Variants in PDZRN3 observed in about 807,000 individuals in gnomAD.
PDZRN3 encodes the protein PDZ domain containing ring finger 3, also known as E3 ubiquitin-protein ligase PDZRN3.
In PDZRN3, 38 loss-of-function variants were observed where a neutral mutation model predicts 85.7. That is an observed-to-expected ratio of 0.44 (90% CI 0.34 to 0.58). The LOEUF is 0.58. Ranked by LOEUF, PDZRN3 falls within the 20% of genes least tolerant of loss-of-function variation. The probability of loss-of-function intolerance (pLI) is 0.01; values close to 1 mark genes in which losing one functional copy is unlikely to be tolerated. For synonymous variants in PDZRN3, 759 were observed against 638.0 expected, an observed-to-expected ratio of 1.19 and a Z score of -2.86; for missense variants, 1,629 against 1,506.4, an observed-to-expected ratio of 1.08 and a Z score of -1.35.
At position 73,408,637 on chromosome 3, in the gene PDZRN3, A is replaced by G. The variant is rs1454303909; in HGVS notation, c.919-4242T>C. ...TTTTACAGGACTTGACCCCTGCCAC[A>G]TGAGCTTCTTGACAAGGTATTTTAG... On this transcript the variant is annotated intron_variant, in intron 3 of 9. Coordinates refer to ENST00000263666, the MANE Select transcript of PDZRN3 (RefSeq NM_015009.3). 2.6e-5 allele frequency among the ~76,000 whole-genome samples: 4 copies of G among 152,114 alleles called. No homozygotes were observed. The East Asian group carries it at 7.7e-4, about 29-fold the overall frequency.
At chr3:73,433,968 C>T in intron 3 of PDZRN3, 1 of 1,310,242 alleles carries the variant, frequency 7.6e-7, no homozygotes, top group Non-Finnish European at 9.7e-7. Context: ...ACGCACACCA[C>T]TCCCTCCTCT....
intron 3 of PDZRN3, among the ~76,000 whole-genome samples, chr3:73,466,659 C>A (rs1474770631): frequency 6.6e-6 from 1 of 152,126 alleles, no homozygotes; most frequent in Non-Finnish European, 1.5e-5. Flanking sequence ...TCACCCTCTC[C>A]CTTAACACGC....
At chr3:73,442,300 G>T (rs1575657068) in intron 3 of PDZRN3, among the ~76,000 whole-genome samples, 1 of 152,316 alleles carries the variant, frequency 6.6e-6, no homozygotes, top group Non-Finnish European at 1.5e-5. Flanking sequence ...ATCAGGCCAG[G>T]ATTTGCAGGA....
intron 3 of PDZRN3, among the ~76,000 whole-genome samples, chr3:73,508,480 G>A (rs1411897588): frequency 1.3e-5 from 2 of 152,198 alleles, no homozygotes; most frequent in African/African-American, 4.8e-5. Context: ...TTGGAGCAAT[G>A]CAACAGATGA....
intron 3 of PDZRN3, among the ~76,000 whole-genome samples, chr3:73,572,658 C>T (rs1702061432): frequency 6.6e-6 from 1 of 152,088 alleles, no homozygotes; most frequent in Non-Finnish European, 1.5e-5. Context: ...AGTGGGACAG[C>T]AGTACAAAAA....
chr3:73,383,611 G>A lies in PDZRN3; in HGVS notation c.2955C>T (p.Ala985=). 1.2e-6 allele frequency: 2 copies of A among 1,613,884 alleles called. No individual in the cohort carries two copies. The highest frequency in any genetic ancestry group is 1.7e-6 in the Non-Finnish European group (2 of 1,180,028). ...ACTCGCGCCGCCGCCGCTGCTCCTTGGCCTTCACCAGGTGCTGCTTCCTCT... is the reference window on the plus strand; with the variant it reads ...ACTCGCGCCGCCGCCGCTGCTCCTTAGCCTTCACCAGGTGCTGCTTCCTCT... ...KEERKQHLVK[A]KEQRRRREFM... The change falls in exon 10 of 10, where the codon GCC becomes GCT. Residue 985 remains alanine, a synonymous_variant. Coordinates refer to ENST00000263666, the MANE Select transcript of PDZRN3 (RefSeq NM_015009.3).
chr3:73,491,559 G>A (rs1703771006), intron 3 of PDZRN3, among the ~76,000 whole-genome samples: 1 of 145,524 alleles, frequency 6.9e-6, no homozygotes, highest in East Asian at 2.1e-4. Context: ...CAGTCAACAG[G>A]AAGAGCAAAA....
chr3:73,392,269 G>A (rs1452765821), intron 5 of PDZRN3, among the ~76,000 whole-genome samples: 1 of 152,244 alleles, frequency 6.6e-6, no homozygotes, highest in African/African-American at 2.4e-5. Context: ...GGCAGAGCTA[G>A]ACCGGGCAGG....
chr3:73,569,507 A>T (rs1054024309), intron 3 of PDZRN3: 85 of 1,062,784 alleles, frequency 8.0e-5, no homozygotes, highest in Non-Finnish European at 9.3e-5. Context: ...TCTTCTCTGC[A>T]ATGAGATCAG....
In PDZRN3 at chr3:73,383,601, G is replaced by A. The variant is rs2106661321; in HGVS notation, c.2965C>T (p.Arg989Trp). ...TGCATCATGAACTCGCGCCGCCGCC[G>A]CTGCTCCTTGGCCTTCACCAGGTGC... is the stretch of plus-strand genomic sequence containing the variant. ...KQHLVKAKEQ[R>W]RRREFMMQSR... The change falls in exon 10 of 10, where the codon CGG becomes TGG. Residue 989 changes from arginine to tryptophan, a missense_variant. Physicochemically the swap from Arg to Trp is moderately radical, Grantham distance 101. Coordinates refer to ENST00000263666, the MANE Select transcript of PDZRN3 (RefSeq NM_015009.3). The A allele has an allele frequency of 1.9e-6, 3 of 1,614,012 alleles. No homozygotes were observed. The highest frequency in any genetic ancestry group is 1.7e-6 in the Non-Finnish European group (2 of 1,180,028).
chr3:73,608,756 T>A, intron 1 of PDZRN3, 72 bp from the exon 2 acceptor site: 1 of 905,972 alleles, frequency 1.1e-6, no homozygotes, highest in Non-Finnish European at 1.8e-6. Context: ...TCCTTCTATC[T>A]AAGTGTACTC....
At chr3:73,589,836 TACTA>T (rs1295324697) in intron 3 of PDZRN3, among the ~76,000 whole-genome samples, 1 of 152,220 alleles carries the variant, frequency 6.6e-6, no homozygotes, top group Non-Finnish European at 1.5e-5. Context: ...TCTCATGAGT[TACTA>T]ACGTGAAGCC....
intron 1 of PDZRN3, chr3:73,621,784 C>T (rs377249074): frequency 6.6e-5 from 10 of 152,292 alleles, no homozygotes; most frequent in Middle Eastern, 3.4e-3. Flanking sequence ...CGGAACAAAC[C>T]TTTCTCCGTA....
In PDZRN3 at chr3:73,550,483, A is replaced by C. The variant is rs534361293; in HGVS notation, c.918+51871T>G. On this transcript the variant is annotated intron_variant, in intron 3 of 9. Coordinates refer to ENST00000263666, the MANE Select transcript of PDZRN3 (RefSeq NM_015009.3). ...AGAAATCTCTAAGGCAGGGCCCAGG[A>C]ATCAGTCTTTATTTAAAAGCCCCCC... Among the ~76,000 whole-genome samples, 17 of 152,316 alleles carry C rather than the reference A, an allele frequency of 1.1e-4. No homozygotes were observed. The East Asian group carries it at 1.9e-3, about 17-fold the overall frequency.
rs143774150 is a variant in PDZRN3 at position 73,496,946 on chromosome 3, G to T, written c.919-92551C>A. Among the ~76,000 whole-genome samples the T allele has an allele frequency of 3.0e-4, 46 of 152,218 alleles. 1 individual carries two copies. In the East Asian group the frequency reaches 7.9e-3, roughly 26 times the overall value. ...TCTTCAGCAGAATCATTAACGTATG[G>T]GCACAGCAAATGGCAGGGTTTTGAG... On this transcript the variant is annotated intron_variant, in intron 3 of 9. Transcript: ENST00000263666.
At chr3:73,435,998 T>C (rs2106810689) in intron 3 of PDZRN3, among the ~76,000 whole-genome samples, 1 of 152,324 alleles carries the variant, frequency 6.6e-6, no homozygotes, top group Non-Finnish European at 1.5e-5. Flanking sequence ...GCCATGCCCT[T>C]CTGCAGGGCC....
intron 3 of PDZRN3, chr3:73,557,004 GT>G: frequency 6.6e-6 from 1 of 152,224 alleles, no homozygotes; most frequent in Non-Finnish European, 1.5e-5. Context: ...ATTACTGAGA[GT>G]TTATGACAAT....
chr3:73,527,934 G>C (rs767823274), intron 3 of PDZRN3, among the ~76,000 whole-genome samples: 1 of 152,132 alleles, frequency 6.6e-6, no homozygotes, highest in African/African-American at 2.4e-5. Flanking sequence ...CTTATCCCAC[G>C]ATGAGCAGAT....
At chr3:73,438,029 TTAACGTC>T (rs1702563565) in intron 3 of PDZRN3, among the ~76,000 whole-genome samples, 1 of 152,210 alleles carries the variant, frequency 6.6e-6, no homozygotes, top group African/African-American at 2.4e-5. Flanking sequence ...ATGAAGATGC[TTAACGTC>T]TTTTTCAAGT....
Sources: allele counts gnomAD v4.1 joint callset (sites outside exome capture counted in the v4.1 genomes callset), GRCh38; gene constraint gnomAD v4.1.1; transcripts MANE v1.5; gene names NCBI Gene and HGNC (gene_info 2026-07-23, HGNC 2026-07-21).